Variants in SND1 observed in about 807,000 individuals in gnomAD.
The protein encoded by SND1 is staphylococcal nuclease domain-containing protein 1.
SND1 carries 38 observed loss-of-function variants against 121.7 expected under a neutral mutation model. The ratio of observed to expected loss-of-function variants is 0.31; its 90% CI spans 0.24 to 0.41. SND1 has a LOEUF of 0.41. Ranked by LOEUF, SND1 falls within the 10% of genes least tolerant of loss-of-function variation. The probability of loss-of-function intolerance (pLI) is 1.00; values close to 1 mark genes in which losing one functional copy is unlikely to be tolerated. For missense variants in SND1, 868 were observed against 1,184.6 expected, an observed-to-expected ratio of 0.73 and a Z score of 3.92; for synonymous variants, 401 against 447.4, an observed-to-expected ratio of 0.90 and a Z score of 1.31.
intron 16 of SND1, among the ~76,000 whole-genome samples, chr7:128,009,752 G>A (rs1305083656): frequency 6.6e-6 from 1 of 151,556 alleles, no homozygotes; most frequent in East Asian, 1.9e-4. Context: ...CCCCATGCCA[G>A]TGAGTGTGTT....
intron 14 of SND1, among the ~76,000 whole-genome samples, chr7:127,908,395 A>T (rs894550978): frequency 9.3e-5 from 14 of 150,318 alleles, no homozygotes; most frequent in Non-Finnish European, 1.8e-4. Context: ...TCTTACACCT[A>T]TTTTTAGGGT....
intron 7 of SND1, among the ~76,000 whole-genome samples, chr7:127,703,636 C>G (rs969007437): frequency 6.6e-6 from 1 of 152,046 alleles, no homozygotes; most frequent in Non-Finnish European, 1.5e-5. Flanking sequence ...TGCTTGAACC[C>G]GGGAGGCGGA....
intron 12 of SND1, among the ~76,000 whole-genome samples, chr7:127,881,161 C>T (rs1180434419): frequency 6.6e-6 from 1 of 152,032 alleles, no homozygotes; most frequent in African/African-American, 2.4e-5. Context: ...GTCTGCCTCC[C>T]ACTCTCTGGG....
intron 13 of SND1, among the ~76,000 whole-genome samples, chr7:127,892,393 C>T (rs1800024777): frequency 6.6e-6 from 1 of 152,078 alleles, no homozygotes; most frequent in African/African-American, 2.4e-5. Flanking sequence ...TCAAGCATAT[C>T]CACCTGCCTG....
In SND1 at chr7:127,908,306, AAAT is replaced by A. The variant is rs1308994848; in HGVS notation, c.1527+3496_1527+3498del. ...TGAGACCCCATCTCTACCAAAAAAA[AAAT>A]AATAATAAATGTGTGTGTGTGTGTG... is the stretch of plus-strand genomic sequence containing the variant. On this transcript the variant is annotated intron_variant, in intron 14 of 23. Transcript: ENST00000354725. Among the ~76,000 whole-genome samples, 4 of 139,640 alleles carry A rather than the reference AAAT, an allele frequency of 2.9e-5. No homozygotes were observed. In the Admixed American group the frequency reaches 3.0e-4, roughly 11 times the overall value. 91.6% of individuals were successfully genotyped at this position (139,640 alleles called of 152,430 possible).
chr7:128,067,996 T>G (rs1793345872), intron 16 of SND1, among the ~76,000 whole-genome samples: 1 of 152,220 alleles, frequency 6.6e-6, no homozygotes, highest in East Asian at 1.9e-4. Context: ...CAGCCTCCAG[T>G]GCACCTTCTC....
At chr7:128,012,923 C>G (rs1489787100) in intron 16 of SND1, among the ~76,000 whole-genome samples, 4 of 152,182 alleles carry the variant, frequency 2.6e-5, no homozygotes, top group African/African-American at 7.2e-5. Context: ...TCAGCCAGCC[C>G]AAAGGTTCGC....
At chr7:128,017,362 T>C (rs1803247365) in intron 16 of SND1, among the ~76,000 whole-genome samples, 1 of 152,212 alleles carries the variant, frequency 6.6e-6, no homozygotes, top group Non-Finnish European at 1.5e-5. Flanking sequence ...GCTACCAGGA[T>C]GTCCAGGACA....
At chr7:127,810,276 C>A (rs1798311613) in intron 11 of SND1, among the ~76,000 whole-genome samples, 1 of 152,108 alleles carries the variant, frequency 6.6e-6, no homozygotes, top group Non-Finnish European at 1.5e-5. Context: ...CTTTAGCTTT[C>A]AGAAGATGAG....
intron 10 of SND1, among the ~76,000 whole-genome samples, chr7:127,793,005 A>G (rs1797941589): frequency 6.6e-6 from 1 of 152,230 alleles, no homozygotes; most frequent in African/African-American, 2.4e-5. Context: ...CCCCAGCATC[A>G]CCAAGGAAAA....
intron 5 of SND1, 92 bp downstream of exon 5, chr7:127,701,415 C>A: frequency 7.9e-7 from 1 of 1,267,494 alleles, no homozygotes; most frequent in Non-Finnish European, 1.1e-6. Flanking sequence ...TCTAGTAAGC[C>A]TTTCTTATAC....
intron 15 of SND1, among the ~76,000 whole-genome samples, chr7:127,929,849 A>G (rs561788919): frequency 1.3e-5 from 2 of 152,226 alleles, no homozygotes; most frequent in South Asian, 2.1e-4. Context: ...TCCCACATCG[A>G]TAGTATTTCT....
At chr7:127,673,619 A>T (rs1428200623) in intron 1 of SND1, among the ~76,000 whole-genome samples, 1 of 152,170 alleles carries the variant, frequency 6.6e-6, no homozygotes, top group African/African-American at 2.4e-5. Context: ...GCCTCTATTA[A>T]TGATTCTTGT....
At chr7:128,021,511 T>C (rs567904288) in intron 16 of SND1, among the ~76,000 whole-genome samples, 133 of 152,352 alleles carry the variant, frequency 8.7e-4, no homozygotes, top group African/African-American at 3.0e-3. Flanking sequence ...AGCCAGGGTC[T>C]TGAAGACTGG....
At chr7:128,084,955 G>C in intron 19 of SND1, 108 bp downstream of exon 19, 4 of 1,183,196 alleles carry the variant, frequency 3.4e-6, no homozygotes, top group South Asian at 1.7e-5. Context: ...GCTGGTTAAT[G>C]ATGGCCCCTA....
At chr7:127,889,017 G>A (rs1035249605) in intron 13 of SND1, among the ~76,000 whole-genome samples, 8 of 152,082 alleles carry the variant, frequency 5.3e-5, no homozygotes, top group Non-Finnish European at 8.8e-5. Flanking sequence ...ACATCCTGAT[G>A]GATAGAGCAT....
intron 10 of SND1, among the ~76,000 whole-genome samples, chr7:127,792,836 G>A (rs1347027643): frequency 6.6e-6 from 1 of 152,202 alleles, no homozygotes; most frequent in African/African-American, 2.4e-5. Flanking sequence ...GCTGGAACAA[G>A]CTACCATTGC....
chr7:127,848,259 A>T (rs1249485963), intron 12 of SND1, among the ~76,000 whole-genome samples: 1 of 152,168 alleles, frequency 6.6e-6, no homozygotes, highest in Non-Finnish European at 1.5e-5. Context: ...ATGTTTTAGT[A>T]AATACACACT....
In SND1 at chr7:128,015,013, A is replaced by G. The variant is rs1011342465; in HGVS notation, c.1779+23957A>G. Among the ~76,000 whole-genome samples, 1 of 152,232 alleles carries G rather than the reference A, an allele frequency of 6.6e-6. No homozygotes were observed. The highest frequency in any genetic ancestry group is 1.5e-5 in the Non-Finnish European group (1 of 68,048). ...TTAAGTCCTTATTCGTGCTCTGCCTACTTGGCTGGCTGTTCTTGCACTTGA... is the reference window on the plus strand; with the variant it reads ...TTAAGTCCTTATTCGTGCTCTGCCTGCTTGGCTGGCTGTTCTTGCACTTGA... On this transcript the variant is annotated intron_variant, in intron 16 of 23. Transcript: ENST00000354725. This position sits in a 1 kb window ranked among gnomAD's most constrained non-coding sequence, Gnocchi z 4.5.
Sources: allele counts gnomAD v4.1 joint callset (sites outside exome capture counted in the v4.1 genomes callset), GRCh38; gene constraint gnomAD v4.1.1; non-coding constraint Gnocchi (gnomAD v3.1); transcripts MANE v1.5; gene names NCBI Gene and HGNC (gene_info 2026-07-23, HGNC 2026-07-21).